Variants in ZFHX3 observed in about 807,000 individuals in gnomAD.
The protein encoded by ZFHX3 is zinc finger homeobox 3, also known as zinc finger homeobox protein 3.
Under a neutral mutation model 279.1 loss-of-function variants are expected in ZFHX3, and 42 were observed. The observed-to-expected ratio is 0.15, with a 90% CI of 0.12 to 0.19. ZFHX3 has a LOEUF of 0.19. Among genes scored for constraint, ZFHX3 ranks in the 10% least tolerant of loss-of-function variants. The pLI is 1.00. For synonymous variants in ZFHX3, 2,293 were observed against 1,957.8 expected (o/e 1.17, Z -4.52); for missense variants, 4,981 against 4,754.0 (o/e 1.05, Z -1.40).
intron 1 of ZFHX3, among the ~76,000 whole-genome samples, chr16:73,028,793 C>T (rs1964599364): frequency 1.3e-5 from 2 of 152,100 alleles, no homozygotes; most frequent in South Asian, 4.1e-4. Flanking sequence ...CCCGGGGCAC[C>T]CAAAATTTGC....
At chr16:73,279,509 C>T (rs2014403597) in intron 4 of ZFHX3, among the ~76,000 whole-genome samples, 2 of 151,978 alleles carry the variant, frequency 1.3e-5, no homozygotes, top group Non-Finnish European at 2.9e-5. Context: ...TAATGAGGAA[C>T]CCAATGGAAA....
Position 72,796,915 on chromosome 16 carries a change from G to C in ZFHX3, c.5767C>G (p.Pro1923Ala). The C allele has an allele frequency of 6.2e-7, 1 of 1,613,876 alleles. No homozygotes were observed. Among genetic ancestry groups the C allele is most frequent in the Non-Finnish European group, 8.5e-7 (1 of 1,179,982 alleles). The stretch of plus-strand genomic sequence containing the variant: ...ATGGAAGGCTCAGAACCACCCCCTG[G>C]TGCCAACTCTTTCTTCTCTTTGGCC... Reference protein sequence around the residue: ...LKAKEKKELAPGGGSEPSMLP... With the variant: ...LKAKEKKELAAGGGSEPSMLP... Residue 1923 changes from proline to alanine, a missense_variant, in exon 9 of 10, where the codon CCA becomes GCA. Coordinates refer to ENST00000268489, the MANE Select transcript of ZFHX3 (RefSeq NM_006885.4).
chr16:73,748,935 C>G (rs1469888612), intron 1 of ZFHX3, among the ~76,000 whole-genome samples: 4 of 151,824 alleles, frequency 2.6e-5, no homozygotes, highest in Non-Finnish European at 5.9e-5. Flanking sequence ...TGACAGGCAC[C>G]TGCCACCACA....
At chr16:73,535,110 T>A (rs2019874327) in intron 2 of ZFHX3, among the ~76,000 whole-genome samples, 1 of 152,204 alleles carries the variant, frequency 6.6e-6, no homozygotes, top group Admixed American at 6.5e-5. Flanking sequence ...CCACTGTGGT[T>A]GATTTCAACT....
intron 2 of ZFHX3, among the ~76,000 whole-genome samples, chr16:73,658,003 G>A (rs978027953): frequency 2.0e-5 from 3 of 152,160 alleles, no homozygotes; most frequent in African/African-American, 7.2e-5. Flanking sequence ...TTGACTGTAA[G>A]TCAGAAGACA....
At chr16:73,669,245 G>T (rs558638365) in intron 2 of ZFHX3, among the ~76,000 whole-genome samples, 1 of 151,930 alleles carries the variant, frequency 6.6e-6, no homozygotes, top group South Asian at 2.1e-4. Context: ...GTAGAGATGG[G>T]GTTTCACCAT....
chr16:73,498,444 A>G (rs1285212762), intron 2 of ZFHX3, among the ~76,000 whole-genome samples: 1 of 152,226 alleles, frequency 6.6e-6, no homozygotes, highest in Admixed American at 6.5e-5. Flanking sequence ...ACTGTTTATT[A>G]TATGTTTGCA....
chr16:73,423,512 G>A lies in ZFHX3; in HGVS notation c.-1291+32491C>T, dbSNP rs553639061. Among the ~76,000 whole-genome samples, 169 of 152,272 alleles carry A rather than the reference G, an allele frequency of 1.1e-3. 1 individual carries two copies. Among genetic ancestry groups the A allele is most frequent in the African/African-American group, 3.8e-3 (157 of 41,562 alleles). On this transcript the variant is annotated intron_variant, in intron 3 of 17. Transcript: ENST00000641206. ...GTGATGCGTTTAGGTCTGGTCATTT[G>A]TCCCAATGGAAGGAAAGCCTGCTGA...
chr16:73,364,858 G>T (rs1043795512), intron 3 of ZFHX3, among the ~76,000 whole-genome samples: 1 of 152,194 alleles, frequency 6.6e-6, no homozygotes, highest in Non-Finnish European at 1.5e-5. Context: ...TGGGACAAGA[G>T]ATCATGGATT....
chr16:73,553,423 A>G (rs1166726771), intron 2 of ZFHX3, among the ~76,000 whole-genome samples: 1 of 152,186 alleles, frequency 6.6e-6, no homozygotes, highest in East Asian at 1.9e-4. Flanking sequence ...CAGGGACTCT[A>G]GCCCCCACGA....
intron 4 of ZFHX3, among the ~76,000 whole-genome samples, chr16:72,868,320 G>A (rs763893392): frequency 6.6e-5 from 10 of 151,956 alleles, no homozygotes; most frequent in Non-Finnish European, 1.3e-4. Flanking sequence ...GAGAATCAGC[G>A]CCTATCCAAG....
At chr16:73,802,925 C>G (rs1960182090) in intron 1 of ZFHX3, among the ~76,000 whole-genome samples, 1 of 152,200 alleles carries the variant, frequency 6.6e-6, no homozygotes, top group Non-Finnish European at 1.5e-5. Flanking sequence ...TCAAGCAATT[C>G]TCCTGCCTCA....
chr16:73,691,970 A>C (rs2053153769), intron 1 of ZFHX3, among the ~76,000 whole-genome samples: 1 of 152,186 alleles, frequency 6.6e-6, no homozygotes. Flanking sequence ...AGAAGGTAAA[A>C]GAGATTATCA....
chr16:73,578,462 G>T (rs1384849506), intron 2 of ZFHX3, among the ~76,000 whole-genome samples: 1 of 152,016 alleles, frequency 6.6e-6, no homozygotes, highest in African/African-American at 2.4e-5. Flanking sequence ...CAGTTGTTTG[G>T]TTCCTAGTTT....
chr16:72,903,442 G>A (rs1389669094), intron 3 of ZFHX3, among the ~76,000 whole-genome samples: 2 of 152,214 alleles, frequency 1.3e-5, no homozygotes, highest in Non-Finnish European at 2.9e-5. Context: ...TACAGTGGGG[G>A]TTAGACAAGG....
At chr16:73,519,995 G>A (rs74028700) in intron 2 of ZFHX3, among the ~76,000 whole-genome samples, 7,505 of 152,134 alleles carry the variant, frequency 0.049, 647 homozygotes, top group African/African-American at 0.17. Flanking sequence ...TTTAATATGA[G>A]GCAGATCACA....
intron 1 of ZFHX3, among the ~76,000 whole-genome samples, chr16:72,961,141 G>A (rs541281214): frequency 1.3e-5 from 2 of 152,150 alleles, no homozygotes; most frequent in Non-Finnish European, 2.9e-5. Flanking sequence ...GGCCCTGGCT[G>A]GAGGGAGTGC....
intron 1 of ZFHX3, among the ~76,000 whole-genome samples, chr16:73,039,385 G>C (rs966840174): frequency 1.3e-5 from 2 of 152,190 alleles, no homozygotes; most frequent in East Asian, 1.9e-4. Context: ...GTGTCTAAAT[G>C]GGGGGAGTGG....
chr16:72,984,088 C>T (rs1311405833), intron 1 of ZFHX3, among the ~76,000 whole-genome samples: 6 of 152,198 alleles, frequency 3.9e-5, no homozygotes. Context: ...GCTCACGCTC[C>T]TTCAAGCACA....
Sources: allele counts gnomAD v4.1 joint callset (sites outside exome capture counted in the v4.1 genomes callset), GRCh38; gene constraint gnomAD v4.1.1; transcripts MANE v1.5; gene names NCBI Gene and HGNC (gene_info 2026-07-23, HGNC 2026-07-21).